Variants in OPCML observed in about 807,000 individuals in gnomAD.
OPCML encodes the protein opioid binding protein/cell adhesion molecule like.
In OPCML, 13 loss-of-function variants were observed where a neutral mutation model predicts 37.8. That is an observed-to-expected ratio of 0.34 (90% CI 0.22 to 0.55). The LOEUF is 0.55. Ranked by LOEUF, OPCML falls within the 20% of genes least tolerant of loss-of-function variation. The pLI, the probability that OPCML is intolerant of heterozygous loss-of-function variation, is 0.91. For missense variants in OPCML, 341 were observed against 435.6 expected, an observed-to-expected ratio of 0.78 and a Z score of 1.93; for synonymous variants, 176 against 168.8, an observed-to-expected ratio of 1.04 and a Z score of -0.33.
intron 2 of OPCML, among the ~76,000 whole-genome samples, chr11:132,668,663 G>A (rs1004764247): frequency 5.9e-5 from 9 of 152,104 alleles, no homozygotes; most frequent in South Asian, 2.1e-4. Flanking sequence ...GAATCCGTTC[G>A]CATATCCTTT....
intron 2 of OPCML, among the ~76,000 whole-genome samples, chr11:132,712,788 G>A (rs908933292): frequency 1.3e-5 from 2 of 152,200 alleles, no homozygotes; most frequent in African/African-American, 2.4e-5. Context: ...GCTCTGGCAC[G>A]GGGCAGCCTG....
At chr11:132,825,529 G>C (rs1940256369) in intron 2 of OPCML, among the ~76,000 whole-genome samples, 1 of 152,222 alleles carries the variant, frequency 6.6e-6, no homozygotes, top group Non-Finnish European at 1.5e-5. Flanking sequence ...GAAAACTATT[G>C]TGAAGGTTAA....
At chr11:132,768,396 C>T (rs750671739) in intron 2 of OPCML, among the ~76,000 whole-genome samples, 30 of 152,278 alleles carry the variant, frequency 2.0e-4, no homozygotes, top group South Asian at 6.2e-4. Context: ...AACTCCTCCC[C>T]CTGCCTCCAG....
intron 1 of OPCML, among the ~76,000 whole-genome samples, chr11:133,140,850 C>CGAAGAAGACGAAGACGAAGACGAAGAA (rs1949783430): frequency 1.4e-5 from 1 of 70,260 alleles, no homozygotes; most frequent in African/African-American, 5.7e-5. Context: ...ACGACGACGA[C>CGAAGAAGACGAAGACGAAGACGAAGAA]GACGAAGAAG....
At chr11:133,181,451 G>A (rs1190373765) in intron 1 of OPCML, among the ~76,000 whole-genome samples, 1 of 144,766 alleles carries the variant, frequency 6.9e-6, no homozygotes. Context: ...AATTAACTCA[G>A]AATAGTGAAC....
chr11:132,704,108 T>C (rs1397976371), intron 2 of OPCML, among the ~76,000 whole-genome samples: 1 of 152,114 alleles, frequency 6.6e-6, no homozygotes. Flanking sequence ...CATGGACTAG[T>C]GTAGTCCTGG....
At chr11:132,602,058 A>T (rs1363847462) in intron 3 of OPCML, among the ~76,000 whole-genome samples, 1 of 152,182 alleles carries the variant, frequency 6.6e-6, no homozygotes, top group Admixed American at 6.5e-5. Flanking sequence ...AGAGACAGAC[A>T]CTTCAGCATT....
chr11:132,610,703 A>G (rs7130898), intron 3 of OPCML, among the ~76,000 whole-genome samples: 48,854 of 152,130 alleles, frequency 0.32, 9,763 homozygotes, highest in Non-Finnish European at 0.45. Flanking sequence ...CAGACATTTC[A>G]TTTGAAAACT....
chr11:133,501,255 T>A (rs1177430822), intron 1 of OPCML, among the ~76,000 whole-genome samples: 1 of 152,172 alleles, frequency 6.6e-6, no homozygotes, highest in Non-Finnish European at 1.5e-5. Flanking sequence ...CCTCCAGGGA[T>A]GACGTTCCCC....
rs542868604 is a variant in OPCML at position 133,236,879 on chromosome 11, C to T, written c.62-293869G>A. 1.1e-3 allele frequency among the ~76,000 whole-genome samples: 157 copies of T among 149,090 alleles called. 1 individual carries two copies. Among genetic ancestry groups the T allele is most frequent in the Non-Finnish European group, 5.2e-4 (35 of 67,378 alleles). On this transcript the variant is annotated intron_variant, in intron 1 of 7. Transcript: ENST00000524381. The stretch of plus-strand genomic sequence containing the variant: ...AGGTCCCATTCCAGCTAGTGGAAAC[C>T]GGACATAGCAGTAGGGAGGATGCGT...
chr11:132,855,865 C>T (rs1218596830), intron 2 of OPCML, among the ~76,000 whole-genome samples: 3 of 152,220 alleles, frequency 2.0e-5, no homozygotes, highest in African/African-American at 4.8e-5. Flanking sequence ...TCCTCAGCCT[C>T]GACACCTGTG....
chr11:133,277,021 C>T (rs368479045), intron 1 of OPCML, among the ~76,000 whole-genome samples: 41 of 152,286 alleles, frequency 2.7e-4, no homozygotes, highest in African/African-American at 7.2e-4. Flanking sequence ...GACTCTTTTA[C>T]GTTAGCCACA....
intron 1 of OPCML, among the ~76,000 whole-genome samples, chr11:133,216,517 G>C (rs1939592411): frequency 6.6e-6 from 1 of 152,148 alleles, no homozygotes; most frequent in Admixed American, 6.5e-5. Flanking sequence ...AGAGGTGCTA[G>C]TTACATAAAT....
At chr11:133,423,273 A>T in intron 1 of OPCML, 1 of 985,364 alleles carries the variant, frequency 1.0e-6, no homozygotes, top group South Asian at 4.7e-5. Flanking sequence ...CAGTTTTAGC[A>T]ATTGGAATTT....
chr11:133,073,610 C>A (rs1203694974), intron 1 of OPCML, among the ~76,000 whole-genome samples: 1 of 152,184 alleles, frequency 6.6e-6, no homozygotes. Flanking sequence ...CTCCATTTAC[C>A]CCTGAGTTCT....
chr11:133,287,647 G>T (rs1267705206), intron 1 of OPCML, among the ~76,000 whole-genome samples: 1 of 152,116 alleles, frequency 6.6e-6, no homozygotes, highest in Non-Finnish European at 1.5e-5. Context: ...CTGGGGCAGG[G>T]GCTCCCAGCA....
intron 1 of OPCML, chr11:133,418,119 C>T (rs954901475): frequency 6.1e-6 from 6 of 985,322 alleles, no homozygotes; most frequent in Non-Finnish European, 7.2e-6. Flanking sequence ...AAGAATATGG[C>T]GTGAAGTCGA....
intron 1 of OPCML, chr11:133,005,124 TA>T (rs1156817082): frequency 2.0e-6 from 2 of 985,208 alleles, no homozygotes; most frequent in African/African-American, 3.5e-5. Context: ...AATCCAAACT[TA>T]GAATGAAATC....
chr11:133,095,899 C>T (rs1948995035), intron 1 of OPCML, among the ~76,000 whole-genome samples: 1 of 151,838 alleles, frequency 6.6e-6, no homozygotes, highest in South Asian at 2.1e-4. Context: ...GAAAGACTTG[C>T]TCTGACAAAC....
Sources: gnomAD v4.1 joint callset for allele counts (sites outside exome capture counted in the v4.1 genomes callset) on GRCh38, gnomAD v4.1.1 for gene constraint, MANE v1.5 for transcripts, NCBI Gene and HGNC (gene_info 2026-07-23, HGNC 2026-07-21) for gene names.